TDRD12: variants seen among roughly 807,000 people sequenced by gnomAD.
TDRD12 encodes tudor domain containing 12.
In TDRD12, 158 loss-of-function variants were observed where a neutral mutation model predicts 133.5. The observed-to-expected ratio is 1.18, with a 90% CI of 1.04 to 1.35. The LOEUF (loss-of-function observed/expected upper bound fraction) is 1.35, where lower values mean the gene tolerates loss of function less well. Ranked by LOEUF, TDRD12 falls within the 40% of genes most tolerant of loss-of-function variation. The pLI is 0.00. For missense variants in TDRD12, 1,443 were observed against 1,321.3 expected, an observed-to-expected ratio of 1.09 and a Z score of -1.43; for synonymous variants, 460 against 477.9, an observed-to-expected ratio of 0.96 and a Z score of 0.49.
chr19:32,725,774 A>G (rs7254153), intron 1 of TDRD12, among the ~76,000 whole-genome samples: 90,694 of 151,922 alleles, frequency 0.6, 28,167 homozygotes, highest in East Asian at 0.82. Context: ...AGTTTAATGG[A>G]AATAGCATTG....
Position 32,815,613 on chromosome 19 carries a change from C to T in TDRD12, c.3307C>T (p.Gln1103Ter). ...ACCAGCTTGTGAAGAAAGCCTAAGC[C>T]AGACCCCGTAAGTGGATTTCTGTCT... Residue 1103 changes from glutamine (Q) to a stop codon, truncating the protein, a stop_gained, in exon 26 of 28, where the codon CAG becomes TAG. Coordinates refer to ENST00000444215, the Ensembl canonical transcript of TDRD12. LOFTEE classifies it high-confidence loss of function. 6.5e-7 allele frequency: 1 copy of T among 1,533,842 alleles called. No individual in the cohort carries two copies. The highest frequency in any genetic ancestry group is 2.4e-5 in the East Asian group (1 of 40,918).
At chr19:32,822,025 G>T (rs1316274502), downstream of TDRD12, among the ~76,000 whole-genome samples, 2 of 152,194 alleles carry the variant, frequency 1.3e-5, no homozygotes, top group Non-Finnish European at 2.9e-5. Context: ...AGAGGCTAAG[G>T]TGGGAGGATC....
chr19:32,774,192 C>T (rs999679434), intron 10 of TDRD12, among the ~76,000 whole-genome samples: 3 of 152,200 alleles, frequency 2.0e-5, no homozygotes, highest in African/African-American at 7.2e-5. Flanking sequence ...CCCCTCGTGT[C>T]GTGGACTTTA....
At chr19:32,788,705 C>T (rs1317581996) in intron 11 of TDRD12, among the ~76,000 whole-genome samples, 1 of 152,056 alleles carries the variant, frequency 6.6e-6, no homozygotes, top group African/African-American at 2.4e-5. Flanking sequence ...TCATGCAGTC[C>T]TTGATTGTCT....
At position 32,806,296 on chromosome 19, in the gene TDRD12, T is replaced by A. The variant is rs569404334; in HGVS notation, c.2553-1253T>A. On this transcript the variant is annotated intron_variant, in intron 21 of 27. Coordinates refer to ENST00000444215, the Ensembl canonical transcript of TDRD12. ...TTTTTGAATTATGGTACATTAAATG[T>A]GTTACTAGCAGTATTCCTATTTACG... is the stretch of plus-strand genomic sequence containing the variant. Among the ~76,000 whole-genome samples, 20 of 152,150 alleles carry A rather than the reference T, an allele frequency of 1.3e-4. No homozygotes were observed. The South Asian group carries it at 3.9e-3, about 30-fold the overall frequency.
chr19:32,790,837 T>A, intron 12 of TDRD12, 127 bp from the exon 13 acceptor site: 1 of 1,450,396 alleles, frequency 6.9e-7, no homozygotes, highest in Non-Finnish European at 9.1e-7. Flanking sequence ...TCTTTTTTTT[T>A]AAGTAAGCAT....
exon 21 of TDRD12, chr19:32,803,138 T>C: frequency 6.6e-7 from 1 of 1,513,814 alleles, no homozygotes; most frequent in Non-Finnish European, 8.8e-7. Context: ...TTTTGGTTTT[T>C]GCAAGTGAGC....
At chr19:32,796,641 A>T (rs1288946818) in intron 14 of TDRD12, among the ~76,000 whole-genome samples, 1 of 152,106 alleles carries the variant, frequency 6.6e-6, no homozygotes, top group East Asian at 1.9e-4. Flanking sequence ...AAATTAATGG[A>T]TATGTTTCTA....
In TDRD12 at chr19:32,790,608, A is replaced by G. The variant is rs767472531; in HGVS notation, c.1182+17A>G. The G allele has an allele frequency of 5.2e-6, 8 of 1,551,568 alleles. No homozygotes were observed. In the African/African-American group the frequency reaches 6.8e-5, roughly 13 times the overall value. ...CTCCAGCAGGTATTACAGGCCCTAAAAAAAGTAAAATAAAAAGAGAGAAAA... is the reference window on the plus strand; with the variant it reads ...CTCCAGCAGGTATTACAGGCCCTAAGAAAAGTAAAATAAAAAGAGAGAAAA... On this transcript the variant is annotated intron_variant, in intron 12 of 27. Transcript: ENST00000444215.
chr19:32,765,740 G>T (rs888857784), intron 8 of TDRD12, among the ~76,000 whole-genome samples: 1 of 151,788 alleles, frequency 6.6e-6, no homozygotes, highest in Non-Finnish European at 1.5e-5. Flanking sequence ...GGCCTGTTGT[G>T]GGGTGGGGGT....
At chr19:32,762,655 G>A (rs1340676117) in intron 8 of TDRD12, among the ~76,000 whole-genome samples, 1 of 152,182 alleles carries the variant, frequency 6.6e-6, no homozygotes, top group Non-Finnish European at 1.5e-5. Flanking sequence ...AAGGTGCTCT[G>A]TGCCTCGAGT....
chr19:32,812,847 C>T (rs1488958496), intron 24 of TDRD12, among the ~76,000 whole-genome samples: 1 of 152,166 alleles, frequency 6.6e-6, no homozygotes, highest in African/African-American at 2.4e-5. Flanking sequence ...GTTGCTTAGA[C>T]AGGTCCTGCC....
chr19:32,720,201 A>C, intron 1 of TDRD12, 105 bp downstream of exon 1: 3 of 1,100,620 alleles, frequency 2.7e-6, no homozygotes, highest in Non-Finnish European at 2.4e-6. Flanking sequence ...ACAGCTTCCT[A>C]CACCCACCGC....
chr19:32,762,771 A>G lies in TDRD12; in HGVS notation c.865+5641A>G, dbSNP rs568250554. ...CATTGGGTTTAAAGTGATTATTTATATACAGTCATGTGTTGCTTACTGATG... is the reference window on the plus strand; with the variant it reads ...CATTGGGTTTAAAGTGATTATTTATGTACAGTCATGTGTTGCTTACTGATG... On this transcript the variant is annotated intron_variant, in intron 8 of 27. Transcript: ENST00000444215. 6.4e-4 allele frequency among the ~76,000 whole-genome samples: 97 copies of G among 152,306 alleles called. 3 individuals carry two copies. In the South Asian group the frequency reaches 0.02, roughly 31 times the overall value.
At chr19:32,823,084 G>A (rs372967290), downstream of TDRD12, among the ~76,000 whole-genome samples, 8 of 152,256 alleles carry the variant, frequency 5.3e-5, 1 homozygote, top group African/African-American at 1.7e-4. Flanking sequence ...CCAGGAGGGC[G>A]GGATAAGATC....
intron 21 of TDRD12, among the ~76,000 whole-genome samples, chr19:32,805,923 G>A (rs888869930): frequency 2.0e-5 from 3 of 151,650 alleles, no homozygotes; most frequent in African/African-American, 7.3e-5. Flanking sequence ...GTAGAGACGG[G>A]GTTTCACCAT....
At chr19:32,734,170 C>T (rs1177348957) in intron 2 of TDRD12, among the ~76,000 whole-genome samples, 1 of 152,054 alleles carries the variant, frequency 6.6e-6, no homozygotes, top group African/African-American at 2.4e-5. Flanking sequence ...GCTGGGATTA[C>T]AGGCGTGAGC....
intron 27 of TDRD12, among the ~76,000 whole-genome samples, chr19:32,819,434 GA>G (rs994515908): frequency 1.3e-4 from 20 of 149,796 alleles, no homozygotes; most frequent in African/African-American, 2.7e-4. Flanking sequence ...CTACTTTCAA[GA>G]AAAAAAAAAT....
At chr19:32,733,738 A>G (rs1969131658) in intron 2 of TDRD12, among the ~76,000 whole-genome samples, 1 of 152,106 alleles carries the variant, frequency 6.6e-6, no homozygotes. Flanking sequence ...TCTTTTATTC[A>G]GGCACTCGAT....
Sources: gnomAD v4.1 joint callset for allele counts (sites outside exome capture counted in the v4.1 genomes callset) on GRCh38, gnomAD v4.1.1 for gene constraint, MANE v1.5 for transcripts, NCBI Gene and HGNC (gene_info 2026-07-23, HGNC 2026-07-21) for gene names.